Variants in PABPC4L observed in about 807,000 individuals in gnomAD.
PABPC4L encodes polyadenylate-binding protein 4-like.
For missense variants in PABPC4L, 452 were observed against 451.4 expected (o/e 1.00, Z -0.01); for synonymous variants, 169 against 164.1 (o/e 1.03, Z -0.23).
At chr4:134,172,870 C>T in the PABPC4L span, among the ~76,000 whole-genome samples, 3 of 151,970 alleles carry the variant, frequency 2.0e-5, no homozygotes, top group Admixed American at 2.0e-4. Flanking sequence ...CATTACCTGA[C>T]TTCAAATTAT....
the PABPC4L span, among the ~76,000 whole-genome samples, chr4:134,013,307 T>G: frequency 6.6e-6 from 1 of 151,824 alleles, no homozygotes; most frequent in African/African-American, 2.4e-5. Context: ...TACAACCCCT[T>G]ATTTCCACAC....
At chr4:134,022,761 A>G in the PABPC4L span, among the ~76,000 whole-genome samples, 1 of 151,850 alleles carries the variant, frequency 6.6e-6, no homozygotes, top group Non-Finnish European at 1.5e-5. Context: ...AGATATTCTC[A>G]TGTCTTCTAT....
chr4:134,021,129 A>G, the PABPC4L span, among the ~76,000 whole-genome samples: 1 of 152,174 alleles, frequency 6.6e-6, no homozygotes, highest in African/African-American at 2.4e-5. Context: ...TTTCCCACAA[A>G]AAAAGCAAAA....
the PABPC4L span, among the ~76,000 whole-genome samples, chr4:134,023,853 G>A: frequency 6.6e-6 from 1 of 152,086 alleles, no homozygotes; most frequent in Admixed American, 6.5e-5. Flanking sequence ...ACATGAATAT[G>A]ATTTTTCCAA....
chr4:133,960,783 A>C, the PABPC4L span, among the ~76,000 whole-genome samples: 1 of 152,014 alleles, frequency 6.6e-6, no homozygotes, highest in African/African-American at 2.4e-5. Flanking sequence ...GATGCCTGTG[A>C]CTGTGGCTTC....
the PABPC4L span, among the ~76,000 whole-genome samples, chr4:134,142,045 G>A: frequency 1.5e-4 from 22 of 151,712 alleles, no homozygotes; most frequent in South Asian, 4.6e-3. Flanking sequence ...TGTTTATGCA[G>A]AGGAAAAAAA....
the PABPC4L span, among the ~76,000 whole-genome samples, chr4:134,163,906 G>T: frequency 6.6e-6 from 1 of 152,170 alleles, no homozygotes; most frequent in South Asian, 2.1e-4. Context: ...TGGAAAAGTT[G>T]AAAGCATCCC....
At chr4:134,025,273 T>C in the PABPC4L span, among the ~76,000 whole-genome samples, 1 of 123,694 alleles carries the variant, frequency 8.1e-6, no homozygotes, top group African/African-American at 3.2e-5. Flanking sequence ...GCCACTGCAC[T>C]CCAGCCTGGG....
At chr4:134,149,940 A>G in the PABPC4L span, among the ~76,000 whole-genome samples, 1 of 152,116 alleles carries the variant, frequency 6.6e-6, no homozygotes, top group Non-Finnish European at 1.5e-5. Context: ...AGGCATGGCA[A>G]TATCTATTGC....
chr4:134,015,257 G>A, the PABPC4L span, among the ~76,000 whole-genome samples: 8 of 151,924 alleles, frequency 5.3e-5, no homozygotes, highest in African/African-American at 1.2e-4. Context: ...CAATTCCCCC[G>A]TTTTACCTGT....
At chr4:134,044,136 G>T in the PABPC4L span, among the ~76,000 whole-genome samples, 1 of 151,938 alleles carries the variant, frequency 6.6e-6, no homozygotes, top group African/African-American at 2.4e-5. Flanking sequence ...TCCCCATGTT[G>T]TCCAGGCTGG....
At chr4:134,139,761 G>A in the PABPC4L span, among the ~76,000 whole-genome samples, 23 of 151,560 alleles carry the variant, frequency 1.5e-4, no homozygotes, top group African/African-American at 4.4e-4. Flanking sequence ...CTGGCCTCAA[G>A]TGATCCTTCC....
chr4:134,167,711 T>G, the PABPC4L span, among the ~76,000 whole-genome samples: 1 of 151,658 alleles, frequency 6.6e-6, no homozygotes, highest in Non-Finnish European at 1.5e-5. Flanking sequence ...TATATAATAA[T>G]AAAGGGGTCA....
chr4:134,042,728 A>T, the PABPC4L span, among the ~76,000 whole-genome samples: 1 of 152,160 alleles, frequency 6.6e-6, no homozygotes, highest in Admixed American at 6.6e-5. Flanking sequence ...ATTCTGACAT[A>T]CCAGACTTTC....
At chr4:134,057,133 AATG>A in the PABPC4L span, among the ~76,000 whole-genome samples, 1 of 152,000 alleles carries the variant, frequency 6.6e-6, no homozygotes, top group African/African-American at 2.4e-5. Context: ...GTGTACATTG[AATG>A]ATATGGCCAT....
the PABPC4L span, among the ~76,000 whole-genome samples, chr4:133,999,262 A>C: frequency 1.7e-4 from 26 of 152,148 alleles, no homozygotes; most frequent in Non-Finnish European, 2.7e-4. Flanking sequence ...CTTTTGTTTT[A>C]GGGAACTCAG....
chr4:133,959,818 A>G, the PABPC4L span, among the ~76,000 whole-genome samples: 1 of 152,176 alleles, frequency 6.6e-6, no homozygotes, highest in Admixed American at 6.5e-5. Flanking sequence ...TATACATGAA[A>G]TTGTTTGGCT....
At chr4:134,053,512 A>G in the PABPC4L span, among the ~76,000 whole-genome samples, 4 of 152,122 alleles carry the variant, frequency 2.6e-5, no homozygotes, top group Admixed American at 6.6e-5. Context: ...CTAATTATCT[A>G]GAAAATTCAG....
At chr4:133,981,951 G>A in the PABPC4L span, among the ~76,000 whole-genome samples, 2 of 151,846 alleles carry the variant, frequency 1.3e-5, no homozygotes, top group African/African-American at 4.8e-5. Flanking sequence ...AACATATGTT[G>A]TATTGGTTGG....
Sources: allele counts gnomAD v4.1 joint callset (sites outside exome capture counted in the v4.1 genomes callset), GRCh38; gene constraint gnomAD v4.1.1; transcripts MANE v1.5; gene names NCBI Gene and HGNC (gene_info 2026-07-23, HGNC 2026-07-21).